KLHL29: variants seen among roughly 807,000 people sequenced by gnomAD.
The protein encoded by KLHL29 is kelch like family member 29, also known as kelch-like protein 29.
Under a neutral mutation model 80.4 loss-of-function variants are expected in KLHL29, and 21 were observed. That is an observed-to-expected ratio of 0.26 (90% CI 0.19 to 0.38). The LOEUF is 0.38. KLHL29 is among the 10% of genes least tolerant of loss of function. The pLI, the probability that KLHL29 is intolerant of heterozygous loss-of-function variation, is 1.00. For missense variants in KLHL29, 867 were observed against 1,223.9 expected, an observed-to-expected ratio of 0.71 and a Z score of 4.35; for synonymous variants, 511 against 526.8, an observed-to-expected ratio of 0.97 and a Z score of 0.41.
intron 1 of KLHL29, among the ~76,000 whole-genome samples, chr2:23,459,065 G>T (rs747839596): frequency 6.6e-6 from 1 of 152,156 alleles, no homozygotes. Context: ...GAGGTATGTC[G>T]AGGGGTCATA....
At chr2:23,504,863 G>A (rs1255936490) in intron 2 of KLHL29, among the ~76,000 whole-genome samples, 1 of 152,194 alleles carries the variant, frequency 6.6e-6, no homozygotes, top group Non-Finnish European at 1.5e-5. Flanking sequence ...AATGTGCCCA[G>A]GCCTCTCCTC....
chr2:23,635,747 C>G (rs1431909028), intron 3 of KLHL29, among the ~76,000 whole-genome samples: 1 of 152,240 alleles, frequency 6.6e-6, no homozygotes, highest in African/African-American at 2.4e-5. Context: ...CAGAGAGGCT[C>G]TCCTGGTCTG....
At chr2:23,597,291 TCTCTC>T (rs1419346346) in intron 3 of KLHL29, among the ~76,000 whole-genome samples, 1,753 of 3,984 alleles carry the variant, frequency 0.44, 23 homozygotes, top group Non-Finnish European at 0.48. Context: ...TATCTCTCTC[TCTCTC>T]ATATATATAT....
intron 2 of KLHL29, among the ~76,000 whole-genome samples, chr2:23,493,850 G>A (rs1665180313): frequency 6.6e-6 from 1 of 152,198 alleles, no homozygotes; most frequent in Non-Finnish European, 1.5e-5. Flanking sequence ...AGATGGCAAA[G>A]TAAAAGCACA....
At chr2:23,410,160 T>C in intron 1 of KLHL29, among the ~76,000 whole-genome samples, 1 of 152,240 alleles carries the variant, frequency 6.6e-6, no homozygotes, top group East Asian at 2.0e-4. Context: ...ACTGGCTGAC[T>C]GTTTTTAAGC....
At chr2:23,524,027 G>A (rs767093029) in intron 2 of KLHL29, 10 of 471,250 alleles carry the variant, frequency 2.1e-5, no homozygotes, top group African/African-American at 2.0e-4. Flanking sequence ...ATGTGAATGA[G>A]TTTTTTTTAC....
intron 1 of KLHL29, among the ~76,000 whole-genome samples, chr2:23,447,905 C>T (rs1663756342): frequency 6.6e-6 from 1 of 152,138 alleles, no homozygotes; most frequent in Admixed American, 6.5e-5. Context: ...CGTTTGTCAT[C>T]TGAATTTCAA....
At chr2:23,520,093 C>G (rs967361822) in intron 2 of KLHL29, among the ~76,000 whole-genome samples, 25 of 152,132 alleles carry the variant, frequency 1.6e-4, no homozygotes, top group African/African-American at 5.8e-4. Flanking sequence ...GGAGAGAAGC[C>G]AGGTCAGGGA....
At chr2:23,534,952 G>A (rs563039321) in intron 2 of KLHL29, among the ~76,000 whole-genome samples, 5 of 152,252 alleles carry the variant, frequency 3.3e-5, no homozygotes, top group African/African-American at 4.8e-5. Flanking sequence ...GCTAAAATGC[G>A]TCTGGCACAA....
At chr2:23,474,489 G>A (rs376784281) in intron 1 of KLHL29, among the ~76,000 whole-genome samples, 2 of 152,150 alleles carry the variant, frequency 1.3e-5, no homozygotes, top group East Asian at 1.9e-4. Context: ...ATTAAATGGC[G>A]ACCTTGGCTG....
intron 2 of KLHL29, among the ~76,000 whole-genome samples, chr2:23,551,117 A>G (rs888603762): frequency 6.6e-6 from 1 of 152,236 alleles, no homozygotes; most frequent in Non-Finnish European, 1.5e-5. Flanking sequence ...ACGTAATCAA[A>G]TGGTAGCCAC....
intron 3 of KLHL29, among the ~76,000 whole-genome samples, chr2:23,578,284 G>A (rs917129685): frequency 9.2e-5 from 14 of 152,210 alleles, no homozygotes; most frequent in Non-Finnish European, 1.8e-4. Flanking sequence ...GGCCTGCACA[G>A]CGATGGGATT....
Position 23,703,307 on chromosome 2 carries a change from C to T in KLHL29, c.2227C>T (p.Arg743Ter), listed in dbSNP as rs1477760310. The T allele has an allele frequency of 6.5e-7, 1 of 1,548,060 alleles. No homozygotes were observed. Residue 743 changes from arginine to a stop codon, truncating the protein, a stop_gained, in exon 12 of 14, where the codon CGA becomes TGA. Coordinates refer to ENST00000486442, the MANE Select transcript of KLHL29 (RefSeq NM_052920.2). LOFTEE classifies it high-confidence loss of function. Reference protein sequence around the residue: ...YVFGGVNEAGRAAGVLQSYVP... With the variant: ...YVFGGVNEAG ...GTTTGGTGGGGTGAACGAGGCAGGC[C>T]GAGCTGCCGGCGTCCTCCAGTCTTA... is the stretch of plus-strand genomic sequence containing the variant.
chr2:23,597,345 G>GTGTA (rs1668440103), intron 3 of KLHL29, among the ~76,000 whole-genome samples: 1 of 125,080 alleles, frequency 8.0e-6, no homozygotes, highest in Non-Finnish European at 1.6e-5. Flanking sequence ...GTGTGTGTGT[G>GTGTA]TATGTATATG....
chr2:23,533,932 G>A (rs993518155), intron 2 of KLHL29, among the ~76,000 whole-genome samples: 1 of 122,414 alleles, frequency 8.2e-6, no homozygotes, highest in African/African-American at 2.7e-5. Flanking sequence ...TATGGTGTCT[G>A]TTGTTTTTTT....
intron 5 of KLHL29, among the ~76,000 whole-genome samples, chr2:23,662,560 G>A (rs1558429219): frequency 1.3e-5 from 2 of 152,078 alleles, no homozygotes; most frequent in African/African-American, 4.8e-5. Context: ...GCCCCTCCTG[G>A]TGGGCGCTTC....
At chr2:23,600,721 T>A (rs1668548615) in intron 3 of KLHL29, among the ~76,000 whole-genome samples, 1 of 152,162 alleles carries the variant, frequency 6.6e-6, no homozygotes, top group Non-Finnish European at 1.5e-5. Flanking sequence ...GGAAGGGGGC[T>A]CAGAGAAGGA....
At chr2:23,502,760 T>G (rs375032570) in intron 2 of KLHL29, among the ~76,000 whole-genome samples, 26 of 152,166 alleles carry the variant, frequency 1.7e-4, no homozygotes, top group African/African-American at 6.0e-4. Context: ...TCCACATTCT[T>G]ATGGGGGACC....
At chr2:23,535,536 G>A (rs2103480442) in intron 2 of KLHL29, among the ~76,000 whole-genome samples, 1 of 152,348 alleles carries the variant, frequency 6.6e-6, no homozygotes, top group Non-Finnish European at 1.5e-5. Flanking sequence ...AAAATGTGTT[G>A]TATACATACA....
Sources: allele counts gnomAD v4.1 joint callset (sites outside exome capture counted in the v4.1 genomes callset), GRCh38; gene constraint gnomAD v4.1.1; transcripts MANE v1.5; gene names NCBI Gene and HGNC (gene_info 2026-07-23, HGNC 2026-07-21).